Variants in TSC22D3 observed in about 807,000 individuals in gnomAD.
TSC22D3 encodes the protein TSC22 domain family protein 3.
TSC22D3 carries 4 observed loss-of-function variants against 11.1 expected under a neutral mutation model. The ratio of observed to expected loss-of-function variants is 0.36; its 90% CI spans 0.18 to 0.83. TSC22D3 has a LOEUF of 0.83. TSC22D3 is among the 40% of genes least tolerant of loss of function. The pLI is 0.48. For missense variants in TSC22D3, 118 were observed against 159.4 expected (o/e 0.74, Z 1.40); for synonymous variants, 77 against 70.3 (o/e 1.10, Z -0.48).
chrX:107,761,230 T>G (rs1929425980), intron 1 of TSC22D3, among the ~76,000 whole-genome samples: 2 of 112,122 alleles, frequency 1.8e-5, no homozygotes. Flanking sequence ...TGTCCTCTGC[T>G]CCTTGGTGGC....
intron 1 of TSC22D3, among the ~76,000 whole-genome samples, chrX:107,755,925 A>T (rs1929155487): frequency 8.9e-6 from 1 of 112,017 alleles, no homozygotes; most frequent in Non-Finnish European, 1.9e-5. Flanking sequence ...CGTGGTAGAG[A>T]CAGTGCTTTC....
rs780485760 is a variant in TSC22D3, at chrX:107,766,980, C to T, written c.320+8120G>A. 5.4e-5 allele frequency among the ~76,000 whole-genome samples: 6 copies of T among 111,108 alleles called. No individual in the cohort carries two copies. In the East Asian group the frequency reaches 8.6e-4, roughly 16 times the overall value. On this transcript the variant is annotated intron_variant, in intron 1 of 2. Coordinates refer to ENST00000372383, the MANE Select transcript of TSC22D3 (RefSeq NM_198057.3). ...CTGGGAGTGAGGCTAAACGGCAGCG[C>T]TGAAGGAGGGGTGTCTTGGGAGTGG...
intron 1 of TSC22D3, among the ~76,000 whole-genome samples, chrX:107,735,320 G>A (rs1028453801): frequency 1.8e-5 from 2 of 111,991 alleles, no homozygotes; most frequent in Non-Finnish European, 3.8e-5. Flanking sequence ...GTGACCCAAG[G>A]CAGGTTGAAT....
intron 1 of TSC22D3, among the ~76,000 whole-genome samples, chrX:107,717,493 C>T (rs1927111281): frequency 8.9e-6 from 1 of 111,977 alleles, no homozygotes; most frequent in Admixed American, 9.4e-5. Flanking sequence ...AGTCTCTCCC[C>T]TGCACACATA....
In TSC22D3 at chrX:107,730,598, G is replaced by T. The variant is rs145582073; in HGVS notation, c.321-14648C>A. ...GCAGATTGTTTATGGGCAGCTGCTT[G>T]ACCATTCTCAGGACAGGCCACTCAG... On this transcript the variant is annotated intron_variant, in intron 1 of 2. Transcript: ENST00000372383. Among the ~76,000 whole-genome samples the T allele has an allele frequency of 1.0e-3, 117 of 111,956 alleles. 1 individual carries two copies. In the East Asian group the frequency reaches 0.029, roughly 28 times the overall value.
intron 1 of TSC22D3, among the ~76,000 whole-genome samples, chrX:107,760,197 T>G (rs1929375229): frequency 8.9e-6 from 1 of 112,960 alleles, no homozygotes; most frequent in African/African-American, 3.2e-5. Flanking sequence ...ACTGTGGCTG[T>G]GGCATGCAGC....
chrX:107,718,969 C>T (rs1927196642), intron 1 of TSC22D3, among the ~76,000 whole-genome samples: 1 of 111,572 alleles, frequency 9.0e-6, no homozygotes, highest in Non-Finnish European at 1.9e-5. Flanking sequence ...TATCAGAATT[C>T]CCTGATATAT....
At position 107,721,178 on chromosome X, in the gene TSC22D3, G is replaced by A. The variant is rs147178128; in HGVS notation, c.321-5228C>T. 9.0e-3 allele frequency among the ~76,000 whole-genome samples: 1,003 copies of A among 111,936 alleles called. 15 individuals are homozygous for A. Among genetic ancestry groups the A allele is most frequent in the African/African-American group, 0.03 (939 of 30,808 alleles). On this transcript the variant is annotated intron_variant, in intron 1 of 2. Coordinates refer to ENST00000372383, the MANE Select transcript of TSC22D3 (RefSeq NM_198057.3). ...GACATGGCTGACCCTACCTTTCTCAGGGGCGACCTTCTAGATGGAGGGTGG... is the reference window on the plus strand; with the variant it reads ...GACATGGCTGACCCTACCTTTCTCAAGGGCGACCTTCTAGATGGAGGGTGG...
intron 1 of TSC22D3, 49 bp downstream of exon 1, chrX:107,775,050 AG>A (rs760738284): frequency 8.5e-7 from 1 of 1,174,319 alleles, no homozygotes; most frequent in Non-Finnish European, 1.1e-6. Flanking sequence ...GGTGCAGCAG[AG>A]GCTGGTGGGA....
intron 1 of TSC22D3, 48 bp from the exon 2 acceptor site, chrX:107,715,998 CTT>C: frequency 4.2e-6 from 5 of 1,180,570 alleles, no homozygotes; most frequent in Non-Finnish European, 5.7e-6. Context: ...CGGTTCTACT[CTT>C]GAGTACATGG....
In TSC22D3 at chrX:107,747,473, T is replaced by C. The variant is rs773094561; in HGVS notation, c.320+27627A>G. ...CGCAGTGCAGTGTGCACAGAAAACC[T>C]AGCGACCAGTGAGTTTTTACCCAGT... is the stretch of plus-strand genomic sequence containing the variant. On this transcript the variant is annotated intron_variant, in intron 1 of 2. Coordinates refer to ENST00000372383, the MANE Select transcript of TSC22D3 (RefSeq NM_198057.3). 3.5e-5 allele frequency among the ~76,000 whole-genome samples: 4 copies of C among 112,734 alleles called. No homozygotes were observed. The East Asian group carries it at 1.1e-3, about 31-fold the overall frequency.
At chrX:107,758,458 C>G (rs73636317) in intron 1 of TSC22D3, among the ~76,000 whole-genome samples, 1 of 111,494 alleles carries the variant, frequency 9.0e-6, no homozygotes, top group Non-Finnish European at 1.9e-5. Context: ...CAACACCCAC[C>G]AAGCAGATTG....
intron 1 of TSC22D3, 84 bp from the exon 2 acceptor site, chrX:107,716,034 C>A (rs1279841503): frequency 3.0e-6 from 3 of 1,011,798 alleles, no homozygotes; most frequent in African/African-American, 1.9e-5. Context: ...AGTCCTCCAT[C>A]TGCCTCGGCT....
intron 1 of TSC22D3, among the ~76,000 whole-genome samples, chrX:107,749,527 G>A (rs777046778): frequency 1.6e-3 from 180 of 111,199 alleles, no homozygotes; most frequent in African/African-American, 5.6e-3. Flanking sequence ...CTGGCTTCAA[G>A]TGACCCTCCC....
At chrX:107,725,647 G>A (rs1927582999) in intron 1 of TSC22D3, among the ~76,000 whole-genome samples, 1 of 111,832 alleles carries the variant, frequency 8.9e-6, no homozygotes, top group African/African-American at 3.3e-5. Context: ...TGACCAGAAT[G>A]TGAGTGAGAT....
At chrX:107,742,339 G>GC (rs1928455032) in intron 1 of TSC22D3, among the ~76,000 whole-genome samples, 1 of 99,386 alleles carries the variant, frequency 1.0e-5, no homozygotes, top group African/African-American at 3.7e-5. Context: ...GCGCGCGCGC[G>GC]GTGTTTAGGA....
chrX:107,749,178 TAC>T (rs61681572), intron 1 of TSC22D3, among the ~76,000 whole-genome samples: 9,378 of 87,156 alleles, frequency 0.11, 509 homozygotes, highest in East Asian at 0.2. Flanking sequence ...CTACTAAAAA[TAC>T]ACACACACAC....
intron 1 of TSC22D3, among the ~76,000 whole-genome samples, chrX:107,740,559 C>T (rs1205170227): frequency 1.8e-5 from 2 of 108,446 alleles, no homozygotes; most frequent in Admixed American, 9.8e-5. Flanking sequence ...TCCAGCCTGG[C>T]GACAGAGCAA....
intron 1 of TSC22D3, among the ~76,000 whole-genome samples, chrX:107,746,226 C>G (rs1272710910): frequency 9.0e-6 from 1 of 111,254 alleles, no homozygotes; most frequent in Non-Finnish European, 1.9e-5. Context: ...TCTTATGAAA[C>G]AGAGAAAGGA....
Sources: gnomAD v4.1 joint callset for allele counts (sites outside exome capture counted in the v4.1 genomes callset) on GRCh38, gnomAD v4.1.1 for gene constraint, MANE v1.5 for transcripts, NCBI Gene and HGNC (gene_info 2026-07-23, HGNC 2026-07-21) for gene names.